The following RB1 variants were observed in gnomAD, a reference collection of about 807,000 sequenced individuals.
RB1 encodes retinoblastoma-associated protein.
Under a neutral mutation model 135.4 loss-of-function variants are expected in RB1, and 18 were observed. The ratio of observed to expected loss-of-function variants is 0.13; its 90% CI spans 0.09 to 0.20. The LOEUF is 0.20. Among genes scored for constraint, RB1 ranks in the 10% least tolerant of loss-of-function variants. RB1 has a pLI of 1.00. For synonymous variants in RB1, 365 were observed against 373.2 expected, an observed-to-expected ratio of 0.98 and a Z score of 0.25; for missense variants, 868 against 1,110.0, an observed-to-expected ratio of 0.78 and a Z score of 3.10.
chr13:48,421,920 G>C (rs1295627162), intron 17 of RB1, among the ~76,000 whole-genome samples: 1 of 152,182 alleles, frequency 6.6e-6, no homozygotes, highest in Non-Finnish European at 1.5e-5. Flanking sequence ...CTGTTGGTGG[G>C]AGTGTAAATT....
intron 11 of RB1, among the ~76,000 whole-genome samples, chr13:48,370,163 T>G (rs1296615693): frequency 6.6e-5 from 10 of 151,926 alleles, no homozygotes; most frequent in African/African-American, 9.7e-5. Context: ...GGATAAAGAT[T>G]TTAGGGAGTG....
intron 11 of RB1, among the ~76,000 whole-genome samples, chr13:48,370,288 T>G (rs1016569423): frequency 6.6e-6 from 1 of 151,552 alleles, no homozygotes; most frequent in Non-Finnish European, 1.5e-5. Context: ...TGTGGGAAAG[T>G]TTTCCTCACC....
intron 17 of RB1, among the ~76,000 whole-genome samples, chr13:48,440,911 A>C (rs998601278): frequency 2.6e-5 from 4 of 152,178 alleles, no homozygotes; most frequent in African/African-American, 9.6e-5. Flanking sequence ...CCTATATTGT[A>C]ATATTCAAGG....
chr13:48,349,115 T>A, intron 6 of RB1, 92 bp downstream of exon 6: 1 of 1,317,304 alleles, frequency 7.6e-7, no homozygotes, highest in Non-Finnish European at 1.0e-6. Flanking sequence ...TTTTATTGAG[T>A]AATGTACTCC....
chr13:48,304,590 A>G (rs1323350317), intron 1 of RB1, among the ~76,000 whole-genome samples: 2 of 152,136 alleles, frequency 1.3e-5, no homozygotes, highest in Non-Finnish European at 2.9e-5. Flanking sequence ...TCCATTGCCC[A>G]CAGGATACTC....
chr13:48,450,961 A>T, intron 17 of RB1, among the ~76,000 whole-genome samples: 1 of 152,138 alleles, frequency 6.6e-6, no homozygotes, highest in East Asian at 1.9e-4. Context: ...GAGTTCATTC[A>T]TGATTTGGCT....
chr13:48,454,214 C>T (rs198575), intron 18 of RB1, among the ~76,000 whole-genome samples: 119,170 of 152,198 alleles, frequency 0.78, 52,337 homozygotes, highest in Non-Finnish European at 0.97. Flanking sequence ...TCCCAAAGTC[C>T]AGGCTCTTAA....
chr13:48,303,757 C>T lies in RB1; in HGVS notation c.-156C>T, dbSNP rs886050265. 5.8e-6 allele frequency: 7 copies of T among 1,202,008 alleles called. No individual in the cohort carries two copies. The highest frequency in any genetic ancestry group is 3.2e-5 in the East Asian group (1 of 31,722). 74.5% of individuals were successfully genotyped at this position (1,202,008 alleles called of 1,614,324 possible). A position where few individuals can be genotyped will look rare whatever the true frequency, so the allele number is the denominator to read the frequency against. ...GCGGTTGGACGCGGCGCTCAGTTGC[C>T]GGGCGGGGGAGGGCGCGTCCGGTTT... On this transcript the variant is annotated 5_prime_UTR_variant, in exon 1 of 27. Transcript: ENST00000267163.
intron 9 of RB1, among the ~76,000 whole-genome samples, chr13:48,366,684 A>G (rs1309360600): frequency 6.6e-6 from 1 of 152,214 alleles, no homozygotes; most frequent in Non-Finnish European, 1.5e-5. Context: ...GAACTGATAA[A>G]TTGAGCTAAT....
chr13:48,472,515 G>A (rs1378643391), intron 23 of RB1, among the ~76,000 whole-genome samples: 1 of 151,854 alleles, frequency 6.6e-6, no homozygotes. Context: ...TACTTAGGTA[G>A]TTTTTTTTAA....
At chr13:48,435,239 A>AT (rs1339345088) in intron 17 of RB1, among the ~76,000 whole-genome samples, 2 of 151,970 alleles carry the variant, frequency 1.3e-5, no homozygotes, top group African/African-American at 4.8e-5. Context: ...TGATGTCTTT[A>AT]TTTTTTATTT....
intron 12 of RB1, 64 bp from the exon 13 acceptor site, chr13:48,376,854 C>T: frequency 3.1e-6 from 5 of 1,605,762 alleles, no homozygotes; most frequent in Non-Finnish European, 4.2e-6. Flanking sequence ...TATTATGGAG[C>T]AGAAAATATT....
In RB1 at chr13:48,465,153, T is replaced by C. The variant is rs182165572; in HGVS notation, c.2325+42T>C. On this transcript the variant is annotated intron_variant, in intron 22 of 26. Transcript: ENST00000267163. Reference sequence around the variant, plus strand: ...CTTTGATTGGAAAAATCTAATGTAATGGGTCCACCAAAACATTAAATAAAT... The same window carrying C: ...CTTTGATTGGAAAAATCTAATGTAACGGGTCCACCAAAACATTAAATAAAT... 234 of 1,613,214 alleles carry C rather than the reference T, an allele frequency of 1.5e-4. 1 individual carries two copies. The African/African-American group carries it at 2.9e-3, about 20-fold the overall frequency.
At chr13:48,451,806 A>G (rs968113965) in intron 17 of RB1, among the ~76,000 whole-genome samples, 1 of 148,424 alleles carries the variant, frequency 6.7e-6, no homozygotes, top group Non-Finnish European at 1.5e-5. Flanking sequence ...TTATTGGTCT[A>G]CTTAGGGATT....
intron 17 of RB1, among the ~76,000 whole-genome samples, chr13:48,416,976 C>T (rs1948922144): frequency 6.6e-6 from 1 of 152,140 alleles, no homozygotes; most frequent in Non-Finnish European, 1.5e-5. Flanking sequence ...GGGAAGGGTG[C>T]TATGGGTGGC....
At chr13:48,317,888 A>G (rs1566178520) in intron 2 of RB1, 3 of 398,596 alleles carry the variant, frequency 7.5e-6, no homozygotes, top group African/African-American at 2.0e-5. Context: ...AATGAGCCCC[A>G]TTTCCCGAGA....
intron 2 of RB1, among the ~76,000 whole-genome samples, chr13:48,324,354 C>G (rs1315464534): frequency 1.3e-5 from 2 of 151,984 alleles, no homozygotes; most frequent in Non-Finnish European, 2.9e-5. Context: ...TAACCAACTC[C>G]TCTTTTATCC....
chr13:48,384,533 C>T (rs1052129625), intron 17 of RB1, among the ~76,000 whole-genome samples: 31 of 151,972 alleles, frequency 2.0e-4, no homozygotes, highest in African/African-American at 7.0e-4. Context: ...TGAACACATC[C>T]GTGTAAACAA....
At chr13:48,349,153 C>T in intron 6 of RB1, 130 bp downstream of exon 6, 1 of 953,058 alleles carries the variant, frequency 1.0e-6, no homozygotes, top group South Asian at 2.3e-5. Flanking sequence ...GGCTTATTAA[C>T]TGTTAGCAAG....
Sources: allele counts gnomAD v4.1 joint callset (sites outside exome capture counted in the v4.1 genomes callset), GRCh38; gene constraint gnomAD v4.1.1; transcripts MANE v1.5; gene names NCBI Gene and HGNC (gene_info 2026-07-23, HGNC 2026-07-21).